The following DAB1 variants were observed in gnomAD, a reference collection of about 807,000 sequenced individuals.
DAB1 encodes DAB adaptor protein 1.
DAB1 carries 15 observed loss-of-function variants against 64.6 expected under a neutral mutation model. That is an observed-to-expected ratio of 0.23 (90% CI 0.16 to 0.36). The LOEUF is 0.36. DAB1 is among the 10% of genes least tolerant of loss of function. The probability of loss-of-function intolerance (pLI) is 1.00; values close to 1 mark genes in which losing one functional copy is unlikely to be tolerated. For missense variants in DAB1, 596 were observed against 706.7 expected (o/e 0.84, Z 1.78); for synonymous variants, 235 against 251.9 (o/e 0.93, Z 0.64).
At chr1:57,185,993 A>G (rs965881131) in intron 2 of DAB1, among the ~76,000 whole-genome samples, 44 of 152,136 alleles carry the variant, frequency 2.9e-4, no homozygotes, top group African/African-American at 1.1e-3. Flanking sequence ...ATCACTGTCC[A>G]TTAACTGTTT....
intron 9 of DAB1, among the ~76,000 whole-genome samples, chr1:57,035,753 T>G (rs1383230121): frequency 6.6e-6 from 1 of 151,878 alleles, no homozygotes; most frequent in Admixed American, 6.6e-5. Context: ...GTTTGGTGTT[T>G]AGCACATAGT....
intron 7 of DAB1, among the ~76,000 whole-genome samples, chr1:57,598,636 G>A (rs1232243887): frequency 1.3e-5 from 2 of 152,206 alleles, no homozygotes; most frequent in Non-Finnish European, 2.9e-5. Flanking sequence ...CATCTAGCAG[G>A]GAGGCTGGTG....
intron 6 of DAB1, among the ~76,000 whole-genome samples, chr1:57,690,062 C>G (rs1646745493): frequency 6.6e-6 from 1 of 152,162 alleles, no homozygotes; most frequent in Non-Finnish European, 1.5e-5. Context: ...CCAGTGCCAT[C>G]CATGTTGTTG....
At chr1:58,401,095 A>G (rs555933526) in intron 3 of DAB1, among the ~76,000 whole-genome samples, 4 of 152,192 alleles carry the variant, frequency 2.6e-5, no homozygotes, top group South Asian at 2.1e-4. Context: ...ACTGGGGCCA[A>G]TAATTCCAGA....
intron 4 of DAB1, among the ~76,000 whole-genome samples, chr1:58,286,574 A>C (rs780985435): frequency 1.1e-4 from 16 of 152,344 alleles, no homozygotes; most frequent in Non-Finnish European, 2.4e-4. Flanking sequence ...AAAAAGATCA[A>C]CATCACTGAC....
At chr1:57,579,650 C>G (rs1645289204) in intron 7 of DAB1, among the ~76,000 whole-genome samples, 1 of 152,098 alleles carries the variant, frequency 6.6e-6, no homozygotes, top group African/African-American at 2.4e-5. Context: ...AATTCAGACT[C>G]CCTAGGGGCT....
chr1:57,243,566 T>A (rs1449934361), intron 2 of DAB1, among the ~76,000 whole-genome samples: 1 of 152,194 alleles, frequency 6.6e-6, no homozygotes, highest in Non-Finnish European at 1.5e-5. Context: ...TACCCTCTTG[T>A]TCACTCTCTC....
At chr1:57,584,755 G>T (rs1276259705) in intron 7 of DAB1, among the ~76,000 whole-genome samples, 2 of 152,206 alleles carry the variant, frequency 1.3e-5, no homozygotes, top group Admixed American at 6.5e-5. Flanking sequence ...GCCTAGAGAA[G>T]TAGTCTCCAG....
chr1:57,647,229 C>G (rs1269933228), intron 7 of DAB1, among the ~76,000 whole-genome samples: 1 of 152,192 alleles, frequency 6.6e-6, no homozygotes, highest in East Asian at 1.9e-4. Context: ...CCCTAGTTTA[C>G]TTCATCATCT....
chr1:58,448,974 T>C (rs1393024981), intron 3 of DAB1, among the ~76,000 whole-genome samples: 1 of 152,046 alleles, frequency 6.6e-6, no homozygotes, highest in Non-Finnish European at 1.5e-5. Context: ...GAAGAAATAA[T>C]CATTGAGGTA....
intron 2 of DAB1, among the ~76,000 whole-genome samples, chr1:57,290,493 C>T (rs887133409): frequency 6.6e-6 from 1 of 152,096 alleles, no homozygotes; most frequent in African/African-American, 2.4e-5. Context: ...ACCACTGGTA[C>T]AGGCGATGAT....
chr1:58,066,605 G>T (rs904814994), intron 5 of DAB1, among the ~76,000 whole-genome samples: 1 of 152,150 alleles, frequency 6.6e-6, no homozygotes, highest in Non-Finnish European at 1.5e-5. Context: ...CAAAAAGATT[G>T]AGTAACTTGG....
chr1:57,747,895 GA>G (rs1263351146), intron 6 of DAB1, among the ~76,000 whole-genome samples: 2 of 149,524 alleles, frequency 1.3e-5, no homozygotes, highest in African/African-American at 2.5e-5. Flanking sequence ...TAAAGGGACA[GA>G]AAAAATAGAG....
chr1:57,667,856 A>G (rs553060105), intron 6 of DAB1, among the ~76,000 whole-genome samples: 10 of 152,070 alleles, frequency 6.6e-5, no homozygotes, highest in Admixed American at 2.0e-4. Flanking sequence ...GAGGGTAACA[A>G]CACACACTGG....
chr1:58,520,259 T>TA lies in DAB1; in HGVS notation n.107+7001dup, dbSNP rs1478007988. ...CCTGGAACCTAAACGTTGAAAAAAA[T>TA]AAAAAATAAAAGAGCAAGCCACAGA... is the stretch of plus-strand genomic sequence containing the variant. On this transcript the variant is annotated intron_variant and non_coding_transcript_variant, in intron 2 of 20. Coordinates refer to the DAB1 transcript ENST00000485760. Among the ~76,000 whole-genome samples the TA allele has an allele frequency of 2.0e-5, 3 of 151,484 alleles. No homozygotes were observed. The East Asian group carries it at 5.8e-4, about 29-fold the overall frequency.
chr1:57,338,216 C>T (rs1156809033), intron 1 of DAB1, among the ~76,000 whole-genome samples: 1 of 152,062 alleles, frequency 6.6e-6, no homozygotes, highest in Admixed American at 6.5e-5. Flanking sequence ...AACTCCTGGG[C>T]TCAAGAGATC....
At chr1:57,549,289 A>G (rs1644889064) in intron 7 of DAB1, among the ~76,000 whole-genome samples, 1 of 152,204 alleles carries the variant, frequency 6.6e-6, no homozygotes, top group Non-Finnish European at 1.5e-5. Flanking sequence ...TTAGTTTTGC[A>G]TCTTCAATAC....
intron 2 of DAB1, among the ~76,000 whole-genome samples, chr1:57,210,547 A>T (rs1447176014): frequency 1.3e-5 from 2 of 152,172 alleles, no homozygotes; most frequent in African/African-American, 4.8e-5. Flanking sequence ...GCTGAGTCTC[A>T]TTAGTGGTAT....
intron 5 of DAB1, among the ~76,000 whole-genome samples, chr1:58,042,478 T>G (rs562420585): frequency 1.3e-5 from 2 of 152,164 alleles, no homozygotes; most frequent in Non-Finnish European, 2.9e-5. Context: ...TTCTACTACA[T>G]GCCAGCCTTT....
Sources: allele counts gnomAD v4.1 joint callset (sites outside exome capture counted in the v4.1 genomes callset), GRCh38; gene constraint gnomAD v4.1.1; transcripts MANE v1.5; gene names NCBI Gene and HGNC (gene_info 2026-07-23, HGNC 2026-07-21).